The following CABP7 variants were observed in gnomAD, a reference collection of about 807,000 sequenced individuals.
CABP7 encodes the protein calcium-binding protein 7.
In CABP7, 13 loss-of-function variants were observed where a neutral mutation model predicts 23.1. The observed-to-expected ratio is 0.56, with a 90% confidence interval of 0.37 to 0.90. CABP7 has a LOEUF of 0.90. CABP7 is among the 40% of genes least tolerant of loss of function. CABP7 has a pLI of 0.01. For missense variants in CABP7, 248 were observed against 295.6 expected (o/e 0.84, Z 1.18); for synonymous variants, 123 against 115.3 (o/e 1.07, Z -0.43).
In CABP7 at chr22:29,727,585, C is replaced by T. The variant is rs1035131855; in HGVS notation, c.110-77C>T. 5.1e-6 allele frequency: 8 copies of T among 1,572,878 alleles called. No individual in the cohort carries two copies. Among genetic ancestry groups the T allele is most frequent in the South Asian group, 2.2e-5 (2 of 89,518 alleles). On this transcript the variant is annotated intron_variant, in intron 1 of 4. Coordinates refer to ENST00000216144, the MANE Select transcript of CABP7 (RefSeq NM_182527.3). This position sits in a 1 kb window ranked among gnomAD's most constrained non-coding sequence, Gnocchi z 4.2. ...CAAGGCCATGCTCAGGCTGCAGGGT[C>T]GGTGATCCTGGGGGTCTGGAAAGGG...
At chr22:29,728,830 G>A (rs1456367012) in intron 3 of CABP7, 88 bp downstream of exon 3, 6 of 1,116,810 alleles carry the variant, frequency 5.4e-6, no homozygotes, top group Non-Finnish European at 8.0e-6. Context: ...ACACTGTAAA[G>A]GGGGGATGAC....
intron 1 of CABP7, among the ~76,000 whole-genome samples, chr22:29,725,804 G>A (rs2067791693): frequency 6.6e-6 from 1 of 152,202 alleles, no homozygotes; most frequent in Non-Finnish European, 1.5e-5. Flanking sequence ...TAGCCTGGAT[G>A]GAGTTCAGGA....
chr22:29,729,050 G>A lies in CABP7; in HGVS notation c.367-5G>A, dbSNP rs763016686. The A allele has an allele frequency of 1.4e-5, 23 of 1,609,722 alleles. No homozygotes were observed. The Middle Eastern group carries it at 1.3e-3, about 94-fold the overall frequency. ...TCAGAGCACCGTGTTGTCCCCCTCCGCAAGTGCGACATGCAGAAGCTGACG... is the reference window on the plus strand; with the variant it reads ...TCAGAGCACCGTGTTGTCCCCCTCCACAAGTGCGACATGCAGAAGCTGACG... On this transcript the variant is annotated splice_region_variant and splice_polypyrimidine_tract_variant and intron_variant, in intron 3 of 4. Coordinates refer to ENST00000216144, the MANE Select transcript of CABP7 (RefSeq NM_182527.3).
chr22:29,729,277 G>A (rs114204151), intron 4 of CABP7, 69 bp downstream of exon 4: 23 of 1,580,094 alleles, frequency 1.5e-5, no homozygotes, highest in Non-Finnish European at 1.9e-5. Context: ...ACGGGGTGGG[G>A]AGAGTCTGCA....
At chr22:29,721,047 C>G (rs959218679) in intron 1 of CABP7, among the ~76,000 whole-genome samples, 2 of 152,192 alleles carry the variant, frequency 1.3e-5, no homozygotes, top group South Asian at 2.1e-4. Context: ...GGGCCGCCCC[C>G]GTCCCCACCT....
In CABP7 at chr22:29,729,444, T is replaced by C. The variant is rs576624273; in HGVS notation, c.523T>C (p.Cys175Arg). ...GTGCTCCCGGCGGGCGGCCACAGCC[T>C]GCTCCAACCAGCAGATCCGCCAGAC... is the stretch of plus-strand genomic sequence containing the variant. The part of the protein sequence containing the change: ...AEECPVDVET[C>R]SNQQIRQTCV... The change falls in exon 5 of 5, where the codon TGC (cysteine) becomes CGC (arginine). Residue 175 changes from cysteine (C) to arginine (R), a missense_variant and splice_region_variant. By Grantham distance (180) the Cys-to-Arg change is radical. Transcript: ENST00000216144. 9 of 1,610,012 alleles carry C rather than the reference T, an allele frequency of 5.6e-6. No individual in the cohort carries two copies. In the Admixed American group the frequency reaches 1.3e-4, roughly 24 times the overall value.
chr22:29,725,420 C>T (rs2067788615), intron 1 of CABP7, among the ~76,000 whole-genome samples: 1 of 152,192 alleles, frequency 6.6e-6, no homozygotes, highest in African/African-American at 2.4e-5. Flanking sequence ...CTCCCCACAT[C>T]AGTCATTCAT....
In CABP7 at chr22:29,731,000, C is replaced by T; in HGVS notation, c.*1431C>T. 1 of 416,622 alleles carries T rather than the reference C, an allele frequency of 2.4e-6. No homozygotes were observed. The highest frequency in any genetic ancestry group is 3.7e-5 in the East Asian group (1 of 26,908). 25.8% of individuals were successfully genotyped at this position (416,622 alleles called of 1,614,324 possible). A position where few individuals can be genotyped will look rare whatever the true frequency, so the allele number is the denominator to read the frequency against. On this transcript the variant is annotated 3_prime_UTR_variant, in exon 5 of 5. Transcript: ENST00000216144. ...TATAAACATTTGGAAGTTTTCTCCCCCATCTTCTTAAGAAGCAGGGGGGCA... is the reference window on the plus strand; with the variant it reads ...TATAAACATTTGGAAGTTTTCTCCCTCATCTTCTTAAGAAGCAGGGGGGCA...
intron 2 of CABP7, among the ~76,000 whole-genome samples, chr22:29,728,381 G>A (rs576364197): frequency 1.6e-4 from 24 of 152,196 alleles, no homozygotes; most frequent in African/African-American, 5.8e-4. Context: ...GGAGGGTCAC[G>A]GCCCACCTGC....
chr22:29,721,043 C>A (rs1033490343), intron 1 of CABP7, among the ~76,000 whole-genome samples: 1 of 152,206 alleles, frequency 6.6e-6, no homozygotes, highest in African/African-American at 2.4e-5. Flanking sequence ...TGCGGGGCCG[C>A]CCCCGTCCCC....
chr22:29,724,814 G>T (rs2067784046), intron 1 of CABP7, among the ~76,000 whole-genome samples: 1 of 152,238 alleles, frequency 6.6e-6, no homozygotes, highest in African/African-American at 2.4e-5. Flanking sequence ...CTGCAGGGCT[G>T]CCTCCCAGCT....
chr22:29,722,125 A>C (rs1274007748), intron 1 of CABP7, among the ~76,000 whole-genome samples: 1 of 151,968 alleles, frequency 6.6e-6, no homozygotes, highest in Non-Finnish European at 1.5e-5. Flanking sequence ...CCCAGACCCC[A>C]GGCAGCTTCC....
chr22:29,726,573 C>T (rs1048349913), intron 1 of CABP7, among the ~76,000 whole-genome samples: 1 of 152,246 alleles, frequency 6.6e-6, no homozygotes, highest in Non-Finnish European at 1.5e-5. Context: ...CGGAGCACCT[C>T]GCGTGTCTCT....
Position 29,727,856 on chromosome 22 carries a change from G to T in CABP7, c.253+51G>T. On this transcript the variant is annotated intron_variant, in intron 2 of 4. Coordinates refer to ENST00000216144, the MANE Select transcript of CABP7 (RefSeq NM_182527.3). This position sits in a 1 kb window ranked among gnomAD's most constrained non-coding sequence, Gnocchi z 4.2. The stretch of plus-strand genomic sequence containing the variant: ...CCCACCTGGCATCTGGGCCCTGGGG[G>T]TGGGGCAGGGGCTGGGGCCTGAGCT... The T allele has an allele frequency of 6.3e-7, 1 of 1,578,230 alleles. No homozygotes were observed.
chr22:29,720,306 C>T lies in CABP7; in HGVS notation c.-119C>T. The T allele has an allele frequency of 7.5e-6, 2 of 266,868 alleles. No individual in the cohort carries two copies. Among genetic ancestry groups the T allele is most frequent in the Non-Finnish European group, 1.2e-5 (2 of 171,202 alleles). 16.5% of individuals were successfully genotyped at this position (266,868 alleles called of 1,614,324 possible). Reference sequence around the variant, plus strand: ...AGGGGCGTCCCCAGCCTCGCCGCTGCCGCCGCCGCCCTCCGCAGCCGCGCG... The same window carrying T: ...AGGGGCGTCCCCAGCCTCGCCGCTGTCGCCGCCGCCCTCCGCAGCCGCGCG... On this transcript the variant is annotated 5_prime_UTR_variant, in exon 1 of 5. Transcript: ENST00000216144. The surrounding 1 kb of genome is among the most constrained non-coding windows in gnomAD (Gnocchi z 5.2).
chr22:29,728,521 GCCACCCGGTAGGC>G, intron 2 of CABP7, 96 bp from the exon 3 acceptor site: 1 of 675,578 alleles, frequency 1.5e-6, no homozygotes, highest in East Asian at 2.6e-5. Context: ...CCTGCCTAAG[GCCACCCGGTAGGC>G]CCAAGGTGTA....
chr22:29,720,336 G>C lies in CABP7; in HGVS notation c.-89G>C, dbSNP rs2147204121. 1.0e-5 allele frequency: 6 copies of C among 571,946 alleles called. No homozygotes were observed. The highest frequency in any genetic ancestry group is 4.1e-5 in the African/African-American group (2 of 48,618). 35.4% of individuals were successfully genotyped at this position (571,946 alleles called of 1,614,324 possible). On this transcript the variant is annotated 5_prime_UTR_variant, in exon 1 of 5. Transcript: ENST00000216144. This position sits in a 1 kb window ranked among gnomAD's most constrained non-coding sequence, Gnocchi z 5.2. ...GCCGCCCTCCGCAGCCGCGCGCCCC[G>C]CCCGCTCCAGCCGCCCCCGGGGCCG...
chr22:29,720,372 A>C lies in CABP7; in HGVS notation c.-53A>C, dbSNP rs1000100090. 4.1e-6 allele frequency: 5 copies of C among 1,231,352 alleles called. No homozygotes were observed. The highest frequency in any genetic ancestry group is 1.6e-5 in the African/African-American group (1 of 62,080). The allele number at this position is 1,231,352 out of a possible 1,614,324, so 76.3% of individuals were successfully genotyped here. On this transcript the variant is annotated 5_prime_UTR_variant, in exon 1 of 5. The change abolishes an upstream ATG in the 5' untranslated region. Coordinates refer to ENST00000216144, the MANE Select transcript of CABP7 (RefSeq NM_182527.3). The surrounding 1 kb of genome is among the most constrained non-coding windows in gnomAD (Gnocchi z 5.2). ...CCGCCCCCGGGGCCGCCACCGGCCCATGAGCCCCGGCCTCAAAGTTTGCGG... is the reference window on the plus strand; with the variant it reads ...CCGCCCCCGGGGCCGCCACCGGCCCCTGAGCCCCGGCCTCAAAGTTTGCGG...
Position 29,729,205 on chromosome 22 carries a change from G to A in CABP7, c.517G>A (p.Glu173Lys), listed in dbSNP as rs773744321. The change falls in exon 4 of 5, where the codon GAG becomes AAG. Residue 173 changes from glutamate to lysine, a missense_variant. Coordinates refer to ENST00000216144, the MANE Select transcript of CABP7 (RefSeq NM_182527.3). ...GTAEECPVDV[E>K]TCSNQQIRQT... ...AGCCGAGGAGTGTCCCGTGGATGTG[G>A]AGAGTGAGTGGCTGGCCCTGGAACC... 1.2e-6 allele frequency: 2 copies of A among 1,605,746 alleles called. No individual in the cohort carries two copies. Among genetic ancestry groups the A allele is most frequent in the Non-Finnish European group, 1.7e-6 (2 of 1,177,082 alleles).
Sources: gnomAD v4.1 joint callset for allele counts (sites outside exome capture counted in the v4.1 genomes callset) on GRCh38, gnomAD v4.1.1 for gene constraint, Gnocchi (gnomAD v3.1) non-coding constraint, MANE v1.5 for transcripts, NCBI Gene and HGNC (gene_info 2026-07-23, HGNC 2026-07-21) for gene names.